MYO9B: variants seen among roughly 807,000 people sequenced by gnomAD.
The protein encoded by MYO9B is myosin IXB.
In MYO9B, 71 loss-of-function variants were observed where a neutral mutation model predicts 229.5. That is an observed-to-expected ratio of 0.31 (90% confidence interval 0.26 to 0.38). MYO9B has a LOEUF of 0.38. Among genes scored for constraint, MYO9B ranks in the 10% least tolerant of loss-of-function variants. The pLI, the probability that MYO9B is intolerant of heterozygous loss-of-function variation, is 1.00. For synonymous variants in MYO9B, 1,185 were observed against 1,235.8 expected, an observed-to-expected ratio of 0.96 and a Z score of 0.86; for missense variants, 2,255 against 2,920.5, an observed-to-expected ratio of 0.77 and a Z score of 5.25.
At chr19:17,122,000 AG>A (rs1054152674) in intron 2 of MYO9B, among the ~76,000 whole-genome samples, 2 of 151,506 alleles carry the variant, frequency 1.3e-5, no homozygotes, top group African/African-American at 4.8e-5. Flanking sequence ...AAAAAAAAAA[AG>A]TACTGGAAGT....
At position 17,211,769 on chromosome 19, in the gene MYO9B, C is replaced by T. The variant is rs199695802; in HGVS notation, c.6053C>T (p.Ser2018Leu). The T allele has an allele frequency of 5.5e-3, 8,894 of 1,612,992 alleles. 47 individuals carry two copies. The highest frequency in any genetic ancestry group is 0.02 in the Middle Eastern group (124 of 6,058). Residue 2018 changes from serine (S) to leucine (L), a missense_variant, in exon 39 of 40, where the codon TCG becomes TTG. By Grantham distance (145) the Ser-to-Leu change is moderately radical. Transcript: ENST00000682292. ...LLEERAGRGASEGPPAPALPC... is the reference protein window; with the variant it reads ...LLEERAGRGALEGPPAPALPC... ...GAGGAGCGGGCCGGGCGGGGGGCCT[C>T]GGAAGGTCAGTATTAAGGTAGCGTC...
intron 2 of MYO9B, among the ~76,000 whole-genome samples, chr19:17,133,922 G>A (rs927013961): frequency 6.6e-6 from 1 of 151,978 alleles, no homozygotes; most frequent in African/African-American, 2.4e-5. Flanking sequence ...CACCACGCCC[G>A]GCTAATTTTT....
Position 17,209,533 on chromosome 19 carries a change from G to A in MYO9B, c.5625-53G>A, listed in dbSNP as rs373467117. 1.5e-5 allele frequency: 23 copies of A among 1,542,240 alleles called. No individual in the cohort carries two copies. The East Asian group carries it at 2.0e-4, about 13-fold the overall frequency. ...CCAGCTAGCATCTCCCTGGACCTCA[G>A]ACGTCCCCGGGGCGGTAACTGAGTC... On this transcript the variant is annotated intron_variant, in intron 35 of 39. Transcript: ENST00000682292.
chr19:17,112,740 A>T (rs1245228620), intron 2 of MYO9B, among the ~76,000 whole-genome samples: 6 of 152,218 alleles, frequency 3.9e-5, no homozygotes, highest in Non-Finnish European at 8.8e-5. Context: ...CCGCAGCCCC[A>T]GGGCTCATCA....
intron 2 of MYO9B, among the ~76,000 whole-genome samples, chr19:17,136,602 A>G (rs981851862): frequency 1.7e-4 from 26 of 151,018 alleles, no homozygotes; most frequent in African/African-American, 2.5e-5. Flanking sequence ...CCCAGATGGC[A>G]TCGGGTAGGT....
intron 38 of MYO9B, among the ~76,000 whole-genome samples, chr19:17,211,340 C>T (rs558773508): frequency 7.9e-5 from 12 of 152,268 alleles, no homozygotes; most frequent in African/African-American, 2.9e-4. Flanking sequence ...GGTGCGATCA[C>T]GGTTCACTGC....
chr19:17,205,164 A>AAT, intron 30 of MYO9B, 99 bp from the exon 31 acceptor site: 3 of 748,908 alleles, frequency 4.0e-6, no homozygotes, highest in Non-Finnish European at 4.3e-6. Context: ...AAAAAAAAAA[A>AAT]AAGAAGGCAA....
chr19:17,211,279 C>G (rs1349950843), intron 38 of MYO9B, among the ~76,000 whole-genome samples: 1 of 151,954 alleles, frequency 6.6e-6, no homozygotes, highest in Admixed American at 6.6e-5. Context: ...CCGCACTCGG[C>G]CTTTATTTCT....
chr19:17,189,588 C>T (rs968187457), intron 19 of MYO9B, among the ~76,000 whole-genome samples: 7 of 151,746 alleles, frequency 4.6e-5, no homozygotes, highest in African/African-American at 1.7e-4. Context: ...GCCATGTTTG[C>T]ACCACTGCAC....
chr19:17,205,164 A>ATG, intron 30 of MYO9B, 99 bp from the exon 31 acceptor site: 1 of 748,906 alleles, frequency 1.3e-6, no homozygotes, highest in Non-Finnish European at 2.1e-6. Context: ...AAAAAAAAAA[A>ATG]AAGAAGGCAA....
In MYO9B at chr19:17,198,273, C is replaced by T. The variant is rs1266460617; in HGVS notation, c.4203C>T (p.Asp1401=). Residue 1401 remains aspartate, a synonymous_variant, in exon 24 of 40, where the codon GAC becomes GAT. Transcript: ENST00000682292. ...KKPGDASSLP[D]AGLSPGSQVD... is the part of the protein sequence containing the mutation. ...CAGGCGACGCATCCTCCCTCCCAGA[C>T]GCAGGGCTGTCCCCGGGCTCTCAGG... The T allele has an allele frequency of 4.3e-6, 7 of 1,613,810 alleles. No individual in the cohort carries two copies. The highest frequency in any genetic ancestry group is 2.2e-5 in the East Asian group (1 of 44,896).
chr19:17,145,582 T>C, intron 3 of MYO9B, 91 bp downstream of exon 3: 1 of 1,119,154 alleles, frequency 8.9e-7, no homozygotes, highest in South Asian at 1.3e-5. Flanking sequence ...GTGGAGATCA[T>C]GGCTGTGTGG....
In MYO9B at chr19:17,211,970, G is replaced by A. The variant is rs562438441; in HGVS notation, c.6134G>A (p.Arg2045Gln). ...SPLPTVAAPP[R>Q]RRPSSFVTVR... ...CTCCCCACCGTGGCCGCCCCTCCAC[G>A]ACGAAGGCCGTCGTCCTTCGTAACG... The change falls in exon 40 of 40, where the codon CGA becomes CAA. Residue 2045 changes from arginine (R) to glutamine (Q), a missense_variant. Transcript: ENST00000682292. 1.1e-4 allele frequency: 99 copies of A among 929,830 alleles called. No homozygotes were observed. Among genetic ancestry groups the A allele is most frequent in the Non-Finnish European group, 1.3e-4 (90 of 686,606 alleles). The allele number at this position is 929,830 out of a possible 1,614,324, so 57.6% of individuals were successfully genotyped here. A position where few individuals can be genotyped will look rare whatever the true frequency, so the allele number is the denominator to read the frequency against.
rs1185470508 is a variant in MYO9B, at chr19:17,193,971, G to A, written c.3129-585G>A. On this transcript the variant is annotated intron_variant, in intron 21 of 39. Transcript: ENST00000682292. This position sits in a 1 kb window ranked among gnomAD's most constrained non-coding sequence, Gnocchi z 4.3. ...GCAGATCACATGAGGCCAGGAGTTG[G>A]AGACCAGCCTAGCCAACATGGCAAA... 1.3e-5 allele frequency among the ~76,000 whole-genome samples: 2 copies of A among 152,040 alleles called. No homozygotes were observed. The highest frequency in any genetic ancestry group is 2.9e-5 in the Non-Finnish European group (2 of 68,010).
At position 17,201,964 on chromosome 19, in the gene MYO9B, CTTGT is replaced by C. The variant is rs753229350; in HGVS notation, c.4605_4608del (p.Phe1536SerfsTer29). The C allele has an allele frequency of 6.2e-7, 1 of 1,609,344 alleles. No homozygotes were observed. Among genetic ancestry groups the C allele is most frequent in the Non-Finnish European group, 8.5e-7 (1 of 1,178,334 alleles). On this transcript the variant is annotated frameshift_variant, in exon 27 of 40. Transcript: ENST00000682292. LOFTEE classifies it high-confidence loss of function. ...GTTCCCAGAAGACGCCCATTGAGAG[CTTGT>C]TTATCGAAGCCACCGAGAAGTTCAG...
At chr19:17,152,825 A>C in intron 4 of MYO9B, 119 bp downstream of exon 4, 1 of 812,724 alleles carries the variant, frequency 1.2e-6, no homozygotes, top group South Asian at 1.7e-5. Context: ...GAGGCCGTGG[A>C]GGCTCTCACA....
intron 23 of MYO9B, 85 bp from the exon 24 acceptor site, chr19:17,198,099 G>T: frequency 6.4e-7 from 1 of 1,552,432 alleles, no homozygotes; most frequent in Non-Finnish European, 8.7e-7. Flanking sequence ...TCGGTGGATG[G>T]AGTGTAAATG....
chr19:17,192,974 G>A lies in MYO9B; in HGVS notation c.3040G>A (p.Gly1014Ser). The change falls in exon 21 of 40, where the codon GGC (glycine) becomes AGC (serine). Residue 1014 changes from glycine (G) to serine (S), a missense_variant. Transcript: ENST00000682292. ...AAVYLQASWR[G>S]YWQRKLYRHQ... ...CGTGTACCTCCAGGCCTCATGGAGGGGCTACTGGCAGCGGAAGCTCTACCG... is the reference window on the plus strand; with the variant it reads ...CGTGTACCTCCAGGCCTCATGGAGGAGCTACTGGCAGCGGAAGCTCTACCG... 1.3e-6 allele frequency: 2 copies of A among 1,525,598 alleles called. No individual in the cohort carries two copies. The highest frequency in any genetic ancestry group is 1.8e-6 in the Non-Finnish European group (2 of 1,130,074). The allele number at this position is 1,525,598 out of a possible 1,614,324, so 94.5% of individuals were successfully genotyped here.
intron 4 of MYO9B, among the ~76,000 whole-genome samples, chr19:17,153,035 A>G (rs1215728951): frequency 1.3e-5 from 2 of 152,166 alleles, no homozygotes; most frequent in African/African-American, 2.4e-5. Flanking sequence ...CCAACTATTC[A>G]GGAGGCCTAG....
Sources: gnomAD v4.1 joint callset for allele counts (sites outside exome capture counted in the v4.1 genomes callset) on GRCh38, gnomAD v4.1.1 for gene constraint, Gnocchi (gnomAD v3.1) non-coding constraint, MANE v1.5 for transcripts, NCBI Gene and HGNC (gene_info 2026-07-23, HGNC 2026-07-21) for gene names.